RPS6KC1: variants seen among roughly 807,000 people sequenced by gnomAD.
RPS6KC1 encodes the protein inactive ribosomal protein S6 kinase delta-1.
In RPS6KC1, 54 loss-of-function variants were observed where a neutral mutation model predicts 103.8. The observed-to-expected ratio is 0.52, with a 90% confidence interval of 0.42 to 0.65. The LOEUF is 0.65. RPS6KC1 is among the 30% of genes least tolerant of loss of function. RPS6KC1 has a pLI of 0.00. For missense variants in RPS6KC1, 1,151 were observed against 1,253.8 expected, an observed-to-expected ratio of 0.92 and a Z score of 1.24; for synonymous variants, 439 against 438.7, an observed-to-expected ratio of 1.00 and a Z score of -0.01.
At chr1:213,792,339 C>G in the RPS6KC1 span, among the ~76,000 whole-genome samples, 62 of 152,306 alleles carry the variant, frequency 4.1e-4, no homozygotes, top group African/African-American at 1.5e-3. Flanking sequence ...TGGACCTTCT[C>G]TCTATTCCTT....
chr1:213,759,224 G>GT, the RPS6KC1 span, among the ~76,000 whole-genome samples: 50,195 of 151,564 alleles, frequency 0.33, 8,816 homozygotes, highest in East Asian at 0.65. Flanking sequence ...ATCATTAGCA[G>GT]TTTTTTTTTA....
the RPS6KC1 span, among the ~76,000 whole-genome samples, chr1:213,811,236 T>G: frequency 1.3e-5 from 2 of 152,216 alleles, no homozygotes; most frequent in Admixed American, 1.3e-4. Flanking sequence ...CTGATTTTAT[T>G]CAACATCTGT....
At chr1:213,527,771 A>G in the RPS6KC1 span, among the ~76,000 whole-genome samples, 1 of 152,200 alleles carries the variant, frequency 6.6e-6, no homozygotes, top group Non-Finnish European at 1.5e-5. Flanking sequence ...AAAAATCTGC[A>G]TATAACTTTT....
chr1:213,846,901 C>T, the RPS6KC1 span, among the ~76,000 whole-genome samples: 3 of 152,142 alleles, frequency 2.0e-5, no homozygotes, highest in Non-Finnish European at 4.4e-5. Context: ...GTCCAGGGAT[C>T]TAAGCACTTA....
chr1:213,441,646 C>T, the RPS6KC1 span, among the ~76,000 whole-genome samples: 51 of 152,220 alleles, frequency 3.4e-4, no homozygotes, highest in African/African-American at 1.2e-3. Context: ...TGCGACAGAC[C>T]TTGGGTGCAG....
chr1:213,147,493 A>G (rs2147846002), intron 6 of RPS6KC1, among the ~76,000 whole-genome samples: 1 of 152,308 alleles, frequency 6.6e-6, no homozygotes, highest in South Asian at 2.1e-4. Context: ...TTTGTCGAAA[A>G]TGAGTTCACT....
the RPS6KC1 span, among the ~76,000 whole-genome samples, chr1:213,560,577 T>C: frequency 2.5e-3 from 385 of 152,282 alleles, 4 homozygotes; most frequent in African/African-American, 8.8e-3. Flanking sequence ...AGAGCCTACA[T>C]ATGAGAACAC....
At chr1:213,816,655 C>G in the RPS6KC1 span, among the ~76,000 whole-genome samples, 1 of 152,120 alleles carries the variant, frequency 6.6e-6, no homozygotes, top group South Asian at 2.1e-4. Context: ...TGCTCACCAG[C>G]CCCCTGTTCC....
At chr1:213,290,982 C>T in the RPS6KC1 span, among the ~76,000 whole-genome samples, 1 of 152,140 alleles carries the variant, frequency 6.6e-6, no homozygotes, top group African/African-American at 2.4e-5. Context: ...CCAGGACTCC[C>T]GGCCACGCCA....
At chr1:213,404,303 T>C in the RPS6KC1 span, among the ~76,000 whole-genome samples, 2 of 152,120 alleles carry the variant, frequency 1.3e-5, no homozygotes, top group African/African-American at 2.4e-5. Flanking sequence ...TGTGGGCCAA[T>C]ATTCACAGCA....
chr1:213,078,862 G>A (rs995962056), intron 3 of RPS6KC1, among the ~76,000 whole-genome samples: 11 of 151,882 alleles, frequency 7.2e-5, no homozygotes, highest in Non-Finnish European at 1.3e-4. Flanking sequence ...TACTTAAAAC[G>A]TAAAGAGAAA....
At chr1:213,146,506 T>G (rs1478267242) in intron 6 of RPS6KC1, among the ~76,000 whole-genome samples, 1 of 150,470 alleles carries the variant, frequency 6.6e-6, no homozygotes, top group African/African-American at 2.4e-5. Context: ...CACTGCAACC[T>G]CCACCTCCTG....
At chr1:213,625,955 T>A in the RPS6KC1 span, among the ~76,000 whole-genome samples, 2 of 152,300 alleles carry the variant, frequency 1.3e-5, no homozygotes, top group South Asian at 4.1e-4. Context: ...AGTAATGGGA[T>A]GGCTGGGTCA....
chr1:213,792,826 C>A, the RPS6KC1 span, among the ~76,000 whole-genome samples: 6 of 151,844 alleles, frequency 4.0e-5, no homozygotes, highest in East Asian at 9.7e-4. Context: ...GAACCCCCAC[C>A]CCACCAACAA....
intron 8 of RPS6KC1, among the ~76,000 whole-genome samples, chr1:213,227,650 G>A (rs959234856): frequency 1.3e-5 from 2 of 152,156 alleles, no homozygotes; most frequent in Non-Finnish European, 2.9e-5. Flanking sequence ...CAAGGACTGC[G>A]CTATACTCCT....
At chr1:213,166,896 C>G (rs1239085679) in intron 6 of RPS6KC1, among the ~76,000 whole-genome samples, 1 of 152,202 alleles carries the variant, frequency 6.6e-6, no homozygotes, top group Non-Finnish European at 1.5e-5. Flanking sequence ...CACCTGAAAA[C>G]ACTGGGATTT....
At chr1:213,754,152 A>AT in the RPS6KC1 span, among the ~76,000 whole-genome samples, 2 of 152,330 alleles carry the variant, frequency 1.3e-5, no homozygotes, top group South Asian at 2.1e-4. Flanking sequence ...GGCTTAAACA[A>AT]TACATTTGCT....
chr1:213,352,532 A>G, the RPS6KC1 span, among the ~76,000 whole-genome samples: 1 of 152,174 alleles, frequency 6.6e-6, no homozygotes, highest in Non-Finnish European at 1.5e-5. Context: ...AGGGAAGTGA[A>G]GGTCTTTTTT....
intron 8 of RPS6KC1, among the ~76,000 whole-genome samples, chr1:213,217,310 A>G (rs2093692559): frequency 6.6e-6 from 1 of 152,176 alleles, no homozygotes. Context: ...CACCCTCCCA[A>G]GACTAAACCA....
Sources: allele counts gnomAD v4.1 joint callset (sites outside exome capture counted in the v4.1 genomes callset), GRCh38; gene constraint gnomAD v4.1.1; transcripts MANE v1.5; gene names NCBI Gene and HGNC (gene_info 2026-07-23, HGNC 2026-07-21).